The following GPC5 variants were observed in gnomAD, a reference collection of about 807,000 sequenced individuals.
GPC5 encodes glypican-5.
Under a neutral mutation model 53.9 loss-of-function variants are expected in GPC5, and 47 were observed. The observed-to-expected ratio is 0.87, with a 90% CI of 0.69 to 1.11. The LOEUF is 1.11. GPC5 is among the 50% of genes most tolerant of loss of function. The pLI is 0.00. For synonymous variants in GPC5, 286 were observed against 263.3 expected (o/e 1.09, Z -0.84); for missense variants, 748 against 713.1 (o/e 1.05, Z -0.56).
intron 3 of GPC5, among the ~76,000 whole-genome samples, chr13:91,709,711 G>T (rs879604614): frequency 1.8e-4 from 27 of 152,206 alleles, no homozygotes; most frequent in Non-Finnish European, 2.8e-4. Flanking sequence ...TTGATTTGCA[G>T]ATGCCCAAAG....
chr13:92,731,455 A>T (rs1888801731), intron 7 of GPC5, among the ~76,000 whole-genome samples: 1 of 151,484 alleles, frequency 6.6e-6, no homozygotes, highest in Non-Finnish European at 1.5e-5. Context: ...ATAAGCAAAT[A>T]CTTTGCAAAT....
intron 7 of GPC5, among the ~76,000 whole-genome samples, chr13:92,476,278 A>G (rs900518760): frequency 2.0e-5 from 3 of 152,202 alleles, no homozygotes; most frequent in African/African-American, 7.2e-5. Flanking sequence ...ATGCAGCCAA[A>G]AAACACATGA....
intron 2 of GPC5, among the ~76,000 whole-genome samples, chr13:91,582,976 G>C (rs1007451365): frequency 6.6e-6 from 1 of 152,100 alleles, no homozygotes; most frequent in Admixed American, 6.5e-5. Flanking sequence ...ACCCCAGCCT[G>C]TTTAACAGAG....
chr13:91,489,734 A>G (rs191706787), intron 2 of GPC5, among the ~76,000 whole-genome samples: 1 of 152,308 alleles, frequency 6.6e-6, no homozygotes, highest in East Asian at 1.9e-4. Flanking sequence ...TTTTAATAAG[A>G]CAAATGTTCA....
At chr13:92,284,178 G>A (rs1369381575) in intron 7 of GPC5, among the ~76,000 whole-genome samples, 1 of 152,094 alleles carries the variant, frequency 6.6e-6, no homozygotes, top group Non-Finnish European at 1.5e-5. Context: ...ACCCTTCCAA[G>A]ACTAAACCAG....
chr13:92,753,994 C>A (rs56404803), intron 7 of GPC5, among the ~76,000 whole-genome samples: 22 of 151,458 alleles, frequency 1.5e-4, no homozygotes, highest in African/African-American at 5.1e-4. Context: ...CAAAGATACT[C>A]CTCAAGAAGA....
In GPC5 at chr13:91,492,372, C is replaced by T. The variant is rs115772230; in HGVS notation, c.325+43450C>T. ...GTTCCATGATCTTCCTTCTGCAAGA[C>T]GGAGAATCAGGAAAGCTGGCAGTGT... On this transcript the variant is annotated intron_variant, in intron 2 of 7. Transcript: ENST00000377067. Among the ~76,000 whole-genome samples the T allele has an allele frequency of 5.6e-3, 853 of 152,206 alleles. 11 individuals are homozygous for T. The highest frequency in any genetic ancestry group is 0.018 in the African/African-American group (730 of 41,530).
In GPC5 at chr13:92,063,070, A is replaced by G. The variant is rs114573706; in HGVS notation, c.1402-81760A>G. On this transcript the variant is annotated intron_variant, in intron 6 of 7. Transcript: ENST00000377067. ...AATCAGGAAAGACTCTGCAGGAGAT[A>G]TATTCTTGACTTGCTCCTCCTTACC... Among the ~76,000 whole-genome samples, 287 of 151,228 alleles carry G rather than the reference A, an allele frequency of 1.9e-3. 3 individuals are homozygous for G. Among genetic ancestry groups the G allele is most frequent in the African/African-American group, 6.7e-3 (270 of 40,586 alleles).
At chr13:92,530,174 A>G (rs1440601587) in intron 7 of GPC5, among the ~76,000 whole-genome samples, 4 of 152,118 alleles carry the variant, frequency 2.6e-5, no homozygotes, top group African/African-American at 9.7e-5. Flanking sequence ...GAGAATTTAT[A>G]GAACACTTAC....
intron 7 of GPC5, among the ~76,000 whole-genome samples, chr13:92,824,776 A>G (rs1877788462): frequency 6.6e-6 from 1 of 152,088 alleles, no homozygotes; most frequent in Non-Finnish European, 1.5e-5. Context: ...ACTTCTAAAA[A>G]AATTACTCCT....
At chr13:92,114,011 G>T (rs1018655408) in intron 6 of GPC5, among the ~76,000 whole-genome samples, 1 of 152,152 alleles carries the variant, frequency 6.6e-6, no homozygotes, top group African/African-American at 2.4e-5. Flanking sequence ...ATATGGAAAA[G>T]CTATAAACTT....
chr13:91,478,822 T>TATATACAC (rs1323023652), intron 2 of GPC5, among the ~76,000 whole-genome samples: 5 of 92,176 alleles, frequency 5.4e-5, no homozygotes, highest in African/African-American at 2.6e-4. Context: ...TATATATATA[T>TATATACAC]ACACACACAC....
At chr13:91,476,168 A>G (rs1010992323) in intron 2 of GPC5, among the ~76,000 whole-genome samples, 3 of 152,172 alleles carry the variant, frequency 2.0e-5, no homozygotes, top group African/African-American at 7.2e-5. Flanking sequence ...GCATCTTGAC[A>G]TCTACCCACT....
chr13:92,054,283 TA>T (rs1021090667), intron 6 of GPC5, among the ~76,000 whole-genome samples: 2 of 151,528 alleles, frequency 1.3e-5, no homozygotes, highest in East Asian at 2.0e-4. Flanking sequence ...TTGATTCTTC[TA>T]AAAAAAAGTT....
chr13:92,747,027 G>A (rs1254050435), intron 7 of GPC5, among the ~76,000 whole-genome samples: 1 of 152,050 alleles, frequency 6.6e-6, no homozygotes, highest in Non-Finnish European at 1.5e-5. Context: ...GTAACACAAT[G>A]GTATTTGTGT....
At chr13:92,339,176 T>C (rs2043346282) in intron 7 of GPC5, among the ~76,000 whole-genome samples, 1 of 147,438 alleles carries the variant, frequency 6.8e-6, no homozygotes, top group South Asian at 2.1e-4. Context: ...CATATGTATT[T>C]ATATTATATA....
chr13:91,871,250 C>T (rs1468058041), intron 5 of GPC5, among the ~76,000 whole-genome samples: 1 of 151,984 alleles, frequency 6.6e-6, no homozygotes, highest in African/African-American at 2.4e-5. Flanking sequence ...CAAACTCGTA[C>T]AAGAACAGAA....
chr13:92,137,364 T>A (rs1215581963), intron 6 of GPC5, among the ~76,000 whole-genome samples: 1 of 152,194 alleles, frequency 6.6e-6, no homozygotes, highest in African/African-American at 2.4e-5. Flanking sequence ...CTTGAAACAC[T>A]GTTTATTTTA....
chr13:91,696,823 G>A (rs143312014), intron 3 of GPC5, among the ~76,000 whole-genome samples: 1 of 152,176 alleles, frequency 6.6e-6, no homozygotes, highest in Non-Finnish European at 1.5e-5. Context: ...TCATAATTCT[G>A]TGATTTTATT....
Sources: allele counts gnomAD v4.1 joint callset (sites outside exome capture counted in the v4.1 genomes callset), GRCh38; gene constraint gnomAD v4.1.1; transcripts MANE v1.5; gene names NCBI Gene and HGNC (gene_info 2026-07-23, HGNC 2026-07-21).